The following TBC1D14 variants were observed in gnomAD, a reference collection of about 807,000 sequenced individuals.
TBC1D14 encodes TBC1 domain family member 14.
TBC1D14 carries 26 observed loss-of-function variants against 79.0 expected under a neutral mutation model. That is an observed-to-expected ratio of 0.33 (90% CI 0.24 to 0.46). The LOEUF (loss-of-function observed/expected upper bound fraction) is 0.46, where lower values mean the gene tolerates loss of function less well. Ranked by LOEUF, TBC1D14 falls within the 20% of genes least tolerant of loss-of-function variation. The pLI, the probability that TBC1D14 is intolerant of heterozygous loss-of-function variation, is 1.00. For missense variants in TBC1D14, 769 were observed against 887.6 expected, an observed-to-expected ratio of 0.87 and a Z score of 1.70; for synonymous variants, 394 against 349.9, an observed-to-expected ratio of 1.13 and a Z score of -1.40.
chr4:6,962,617 G>T (rs1183225189), intron 2 of TBC1D14, among the ~76,000 whole-genome samples: 1 of 152,060 alleles, frequency 6.6e-6, no homozygotes, highest in Admixed American at 6.5e-5. Context: ...ATTCTCTGGG[G>T]CAGGGTTGGT....
intron 3 of TBC1D14, among the ~76,000 whole-genome samples, chr4:6,989,731 C>A (rs1476902055): frequency 6.6e-6 from 1 of 152,120 alleles, no homozygotes; most frequent in Non-Finnish European, 1.5e-5. Context: ...TTCCCTCTTG[C>A]CCTGCATGCT....
intron 9 of TBC1D14, chr4:7,007,429 C>T (rs1304446511): frequency 3.0e-6 from 2 of 665,148 alleles, no homozygotes; most frequent in Non-Finnish European, 4.5e-6. Flanking sequence ...ATCTTTTGAT[C>T]CCTTTCTTAT....
intron 13 of TBC1D14, among the ~76,000 whole-genome samples, chr4:7,027,743 A>T (rs1722586067): frequency 9.6e-6 from 1 of 103,950 alleles, no homozygotes; most frequent in African/African-American, 3.8e-5. Flanking sequence ...CACATCACAC[A>T]CCCACATACA....
Position 7,031,972 on chromosome 4 carries a change from G to C in TBC1D14, c.*1580G>C, listed in dbSNP as rs1723100273. The C allele has an allele frequency of 6.6e-6, 1 of 152,414 alleles. No homozygotes were observed. Among genetic ancestry groups the C allele is most frequent in the Non-Finnish European group, 1.5e-5 (1 of 68,108 alleles). 9.4% of individuals were successfully genotyped at this position (152,414 alleles called of 1,614,324 possible). On this transcript the variant is annotated 3_prime_UTR_variant, in exon 14 of 14. Coordinates refer to ENST00000409757, the MANE Select transcript of TBC1D14 (RefSeq NM_020773.3). ...TAATGCTCCTCGAGGTGCAGGAGCA[G>C]GTTGCTGAGCCAGTGGCTGCCCCGT...
chr4:6,921,665 T>C (rs1259729732), intron 1 of TBC1D14, among the ~76,000 whole-genome samples: 2 of 147,734 alleles, frequency 1.4e-5, no homozygotes, highest in African/African-American at 5.1e-5. Context: ...TAGCTGGGAT[T>C]GTAGGCATGC....
At chr4:7,025,803 A>G (rs1722306984) in intron 13 of TBC1D14, among the ~76,000 whole-genome samples, 1 of 152,136 alleles carries the variant, frequency 6.6e-6, no homozygotes, top group Admixed American at 6.5e-5. Flanking sequence ...TGCCCCAAAC[A>G]GTGGCGCGGA....
At chr4:6,968,986 C>T (rs569626616) in intron 3 of TBC1D14, among the ~76,000 whole-genome samples, 18 of 152,002 alleles carry the variant, frequency 1.2e-4, no homozygotes, top group Non-Finnish European at 2.2e-4. Context: ...GGGGGTGAGG[C>T]GGGAGCGCAG....
intron 12 of TBC1D14, among the ~76,000 whole-genome samples, chr4:7,016,116 C>T (rs991606341): frequency 3.3e-5 from 5 of 152,058 alleles, no homozygotes; most frequent in African/African-American, 1.2e-4. Context: ...CTTTGGGATT[C>T]TTGGTTTGTT....
Position 7,010,642 on chromosome 4 carries a change from T to G in TBC1D14, c.1519-11T>G. 6.2e-7 allele frequency: 1 copy of G among 1,609,042 alleles called. No individual in the cohort carries two copies. The highest frequency in any genetic ancestry group is 1.1e-5 in the South Asian group (1 of 90,284). On this transcript the variant is annotated splice_polypyrimidine_tract_variant and intron_variant, in intron 10 of 13. Transcript: ENST00000409757. ...ACTGTGATTTTAACGTGCCTTTCTC[T>G]CCTCTCTCAGGTCCAGGGCATGTCC...
chr4:7,013,707 C>T (rs1162212672), intron 11 of TBC1D14, among the ~76,000 whole-genome samples: 1 of 151,134 alleles, frequency 6.6e-6, no homozygotes, highest in African/African-American at 2.4e-5. Flanking sequence ...CTGGAAGTGC[C>T]AGGGGTTGGA....
chr4:6,983,738 A>G (rs568154022), intron 3 of TBC1D14, among the ~76,000 whole-genome samples: 5 of 152,360 alleles, frequency 3.3e-5, no homozygotes, highest in South Asian at 2.1e-4. Flanking sequence ...AAATGGCAGC[A>G]TGGTTGTTTA....
rs1381050441 is a variant in TBC1D14 at position 7,032,692 on chromosome 4, G to A, written c.*2300G>A. ...GGGTCCCTTAACACCTCGGCACAGAGGCTGTTGGCAAGTGTAGAGGCTGCC... is the reference window on the plus strand; with the variant it reads ...GGGTCCCTTAACACCTCGGCACAGAAGCTGTTGGCAAGTGTAGAGGCTGCC... On this transcript the variant is annotated 3_prime_UTR_variant, in exon 14 of 14. Transcript: ENST00000409757. The A allele has an allele frequency of 6.6e-6, 1 of 152,184 alleles. No individual in the cohort carries two copies. Among genetic ancestry groups the A allele is most frequent in the African/African-American group, 2.4e-5 (1 of 41,432 alleles). 9.4% of individuals were successfully genotyped at this position (152,184 alleles called of 1,614,324 possible).
intron 10 of TBC1D14, 90 bp from the exon 11 acceptor site, chr4:7,010,563 G>A: frequency 6.7e-7 from 1 of 1,487,452 alleles, no homozygotes; most frequent in South Asian, 1.3e-5. Flanking sequence ...TCTAGTGTGA[G>A]GGTGGTAGGT....
intron 3 of TBC1D14, among the ~76,000 whole-genome samples, chr4:6,986,012 A>G (rs1244676603): frequency 6.6e-6 from 1 of 152,164 alleles, no homozygotes; most frequent in Non-Finnish European, 1.5e-5. Context: ...CCAAAGTTTT[A>G]TTTTTCATCA....
Position 7,025,398 on chromosome 4 carries a change from G to A in TBC1D14, c.2016+136G>A, listed in dbSNP as rs1378572381. 17 of 1,391,654 alleles carry A rather than the reference G, an allele frequency of 1.2e-5. 1 individual carries two copies. Among genetic ancestry groups the A allele is most frequent in the South Asian group, 1.4e-5 (1 of 69,922 alleles). The allele number at this position is 1,391,654 out of a possible 1,614,324, so 86.2% of individuals were successfully genotyped here. ...CCCTGGGCTGGAACTGAGGGGGGCC[G>A]GGTGGAGACGTGGCTGTGCCACAGG... is the stretch of plus-strand genomic sequence containing the variant. On this transcript the variant is annotated intron_variant, in intron 13 of 13. Coordinates refer to ENST00000409757, the MANE Select transcript of TBC1D14 (RefSeq NM_020773.3).
intron 2 of TBC1D14, among the ~76,000 whole-genome samples, chr4:6,929,327 G>T (rs912550452): frequency 6.6e-6 from 1 of 152,216 alleles, no homozygotes; most frequent in Non-Finnish European, 1.5e-5. Flanking sequence ...TTGTCAGGGA[G>T]TAAGGAAGCA....
chr4:6,985,737 A>G (rs1195411809), intron 3 of TBC1D14, among the ~76,000 whole-genome samples: 4 of 152,162 alleles, frequency 2.6e-5, no homozygotes, highest in African/African-American at 7.2e-5. Flanking sequence ...CAGCCATGCT[A>G]AAAGTGCCCA....
At chr4:6,984,351 G>A (rs1270809560) in intron 3 of TBC1D14, among the ~76,000 whole-genome samples, 1 of 152,064 alleles carries the variant, frequency 6.6e-6, no homozygotes, top group Non-Finnish European at 1.5e-5. Flanking sequence ...TGGGAGCTTC[G>A]GCACGGTCAG....
intron 2 of TBC1D14, among the ~76,000 whole-genome samples, chr4:6,948,998 C>T (rs1438244794): frequency 6.7e-6 from 1 of 150,118 alleles, no homozygotes; most frequent in African/African-American, 2.5e-5. Flanking sequence ...CATGGTGAAA[C>T]CCTGTCTCTA....
Sources: allele counts gnomAD v4.1 joint callset (sites outside exome capture counted in the v4.1 genomes callset), GRCh38; gene constraint gnomAD v4.1.1; transcripts MANE v1.5; gene names NCBI Gene and HGNC (gene_info 2026-07-23, HGNC 2026-07-21).